The following SPDYE3 variants were observed in gnomAD, a reference collection of about 807,000 sequenced individuals.
SPDYE3 encodes speedy/RINGO cell cycle regulator family member E3, also known as speedy protein E3.
In SPDYE3, 15 loss-of-function variants were observed where a neutral mutation model predicts 55.0. That is an observed-to-expected ratio of 0.27 (90% CI 0.18 to 0.42). SPDYE3 has a LOEUF of 0.42. Ranked by LOEUF, SPDYE3 falls within the 10% of genes least tolerant of loss-of-function variation. SPDYE3 has a pLI of 1.00. For synonymous variants in SPDYE3, 89 were observed against 229.9 expected, an observed-to-expected ratio of 0.39 and a Z score of 5.55; for missense variants, 236 against 576.7, an observed-to-expected ratio of 0.41 and a Z score of 6.05.
chr7:100,316,887 G>A (rs1251666121), intron 7 of SPDYE3, among the ~76,000 whole-genome samples, 183 bp from the exon 8 acceptor site: 1 of 152,046 alleles, frequency 6.6e-6, no homozygotes, highest in Non-Finnish European at 1.5e-5. Context: ...CCGGCTTCTC[G>A]GATTTGCATC....
chr7:100,319,222 T>C (rs1328919548), intron 8 of SPDYE3, among the ~76,000 whole-genome samples: 1 of 152,164 alleles, frequency 6.6e-6, no homozygotes, highest in Non-Finnish European at 1.5e-5. Context: ...ATTTTTTATA[T>C]TTTTAATAGA....
intron 8 of SPDYE3, among the ~76,000 whole-genome samples, chr7:100,319,235 C>T (rs1410263381): frequency 6.6e-6 from 1 of 152,108 alleles, no homozygotes; most frequent in African/African-American, 2.4e-5. Context: ...TTAATAGAGA[C>T]AAGGGTCTTG....
intron 1 of SPDYE3, among the ~76,000 whole-genome samples, chr7:100,308,747 G>A (rs1037320694): frequency 1.3e-4 from 19 of 151,220 alleles, no homozygotes; most frequent in Admixed American, 2.6e-4. Flanking sequence ...GAGAGCCAGG[G>A]ACCAGGGAAC....
chr7:100,319,341 C>T (rs1281700818), intron 8 of SPDYE3, among the ~76,000 whole-genome samples: 2 of 152,214 alleles, frequency 1.3e-5, no homozygotes, highest in African/African-American at 2.4e-5. Context: ...AGCCACCACT[C>T]TTGGTCACCA....
chr7:100,307,847 A>C lies in SPDYE3; in HGVS notation c.-39A>C, dbSNP rs1417288596. 13 of 1,544,092 alleles carry C rather than the reference A, an allele frequency of 8.4e-6. No individual in the cohort carries two copies. In the Admixed American group the frequency reaches 1.9e-4, roughly 23 times the overall value. ...GAAGAAGACCAAGGACAGAACAGAGACTAGCTTCGGTGAGATTGGACAGAT... is the reference window on the plus strand; with the variant it reads ...GAAGAAGACCAAGGACAGAACAGAGCCTAGCTTCGGTGAGATTGGACAGAT... On this transcript the variant is annotated 5_prime_UTR_variant, in exon 1 of 11. Transcript: ENST00000332397.
At chr7:100,319,209 C>T (rs1275015150) in intron 8 of SPDYE3, among the ~76,000 whole-genome samples, 2 of 152,046 alleles carry the variant, frequency 1.3e-5, no homozygotes, top group Non-Finnish European at 2.9e-5. Context: ...CCACGTCTGG[C>T]GTATTTTTTA....
At chr7:100,318,874 C>T (rs564821928) in intron 8 of SPDYE3, among the ~76,000 whole-genome samples, 16 of 148,888 alleles carry the variant, frequency 1.1e-4, no homozygotes, top group African/African-American at 3.7e-4. Flanking sequence ...GGCTGTGCCA[C>T]CACACCTGGA....
intron 1 of SPDYE3, among the ~76,000 whole-genome samples, chr7:100,308,260 G>C (rs1805874370): frequency 6.6e-6 from 1 of 151,162 alleles, no homozygotes; most frequent in Non-Finnish European, 1.5e-5. Context: ...GAGCCTGGGA[G>C]GAAGAGGGTG....
In SPDYE3 at chr7:100,320,039, C is replaced by T. The variant is rs1280872753; in HGVS notation, c.*45+4C>T. ...GAGGTCATCGGCCTGAGAGAAGGTA[C>T]ATCTGCATCCTCCGGGGTAAAGGCA... On this transcript the variant is annotated splice_donor_region_variant and intron_variant, in intron 10 of 10. Transcript: ENST00000332397. The T allele has an allele frequency of 6.2e-7, 1 of 1,603,318 alleles. No individual in the cohort carries two copies. Among genetic ancestry groups the T allele is most frequent in the Non-Finnish European group, 8.5e-7 (1 of 1,179,274 alleles).
Position 100,307,786 on chromosome 7 carries a change from T to C in SPDYE3, c.-100T>C, listed in dbSNP as rs1390971226. On this transcript the variant is annotated 5_prime_UTR_variant, in exon 1 of 11. Transcript: ENST00000332397. The stretch of plus-strand genomic sequence containing the variant: ...TCCTGACTTCTCCCAGCCTCGAGAA[T>C]TGATAACACACTCTTCTGGATCCCA... 5 of 1,444,226 alleles carry C rather than the reference T, an allele frequency of 3.5e-6. No homozygotes were observed. Among genetic ancestry groups the C allele is most frequent in the African/African-American group, 1.4e-5 (1 of 70,240 alleles). 89.5% of individuals were successfully genotyped at this position (1,444,226 alleles called of 1,614,324 possible).
Position 100,321,847 on chromosome 7 carries a change from T to C in SPDYE3, c.*1002T>C, listed in dbSNP as rs1263201820. ...TAAATATTTATTAAATATATTTATT[T>C]ATTTAAATATTTATTAAATATATTT... On this transcript the variant is annotated 3_prime_UTR_variant, in exon 11 of 11. Transcript: ENST00000332397. 6.8e-6 allele frequency: 1 copy of C among 148,124 alleles called. No homozygotes were observed. The highest frequency in any genetic ancestry group is 1.5e-5 in the Non-Finnish European group (1 of 67,168). The allele number at this position is 148,124 out of a possible 1,614,324, so 9.2% of individuals were successfully genotyped here.
At chr7:100,315,127 A>G (rs901353160) in intron 6 of SPDYE3, among the ~76,000 whole-genome samples, 45 of 151,416 alleles carry the variant, frequency 3.0e-4, no homozygotes, top group South Asian at 2.9e-3. Flanking sequence ...CAAAAGAAAA[A>G]CCAAGGCTGG....
At position 100,315,805 on chromosome 7, in the gene SPDYE3, T is replaced by C. The variant is rs764950944; in HGVS notation, c.1222T>C (p.Phe408Leu). 3.8e-6 allele frequency: 6 copies of C among 1,599,826 alleles called. No homozygotes were observed. The highest frequency in any genetic ancestry group is 1.7e-5 in the Admixed American group (1 of 59,984). ...RLLEDPVIKR[F>L]LAWDKDLRVS... Reference sequence around the variant, plus strand: ...CACAGAGGATCCTGTCATTAAAAGATTCCTGGCCTGGGACAAAGATCTGAG... The same window carrying C: ...CACAGAGGATCCTGTCATTAAAAGACTCCTGGCCTGGGACAAAGATCTGAG... Residue 408 changes from phenylalanine to leucine, a missense_variant, in exon 7 of 11, where the codon TTC becomes CTC. Phe to Leu is a conservative substitution (Grantham distance 22, BLOSUM62 0). Transcript: ENST00000332397.
chr7:100,317,466 A>T (rs1478219693), intron 8 of SPDYE3, among the ~76,000 whole-genome samples: 2 of 152,070 alleles, frequency 1.3e-5, no homozygotes, highest in Non-Finnish European at 2.9e-5. Flanking sequence ...TCAGTCGGGC[A>T]TGTTGGTGTG....
At chr7:100,319,048 A>G (rs919115355) in intron 8 of SPDYE3, among the ~76,000 whole-genome samples, 17 of 151,616 alleles carry the variant, frequency 1.1e-4, no homozygotes, top group African/African-American at 4.1e-4. Context: ...AGTAGCTAGG[A>G]CTAATGGGTG....
intron 6 of SPDYE3, 149 bp from the exon 7 acceptor site, chr7:100,315,636 T>C: frequency 1.1e-5 from 14 of 1,234,490 alleles, no homozygotes; most frequent in Non-Finnish European, 1.6e-5. Context: ...CCTTGCCCAG[T>C]GAAAGTCATT....
At chr7:100,319,859 G>A (rs1789534057) in intron 9 of SPDYE3, 51 bp downstream of exon 9, 2 of 1,613,740 alleles carry the variant, frequency 1.2e-6, no homozygotes, top group South Asian at 1.1e-5. Flanking sequence ...CGGGTGGGCT[G>A]GAGGCTGGAC....
chr7:100,317,596 C>T (rs1806134476), intron 8 of SPDYE3, among the ~76,000 whole-genome samples: 1 of 148,732 alleles, frequency 6.7e-6, no homozygotes, highest in Non-Finnish European at 1.5e-5. Flanking sequence ...CAGAGTGAGA[C>T]TTTTTCTAAA....
chr7:100,308,766 G>A (rs1230563216), intron 1 of SPDYE3, among the ~76,000 whole-genome samples: 13 of 150,704 alleles, frequency 8.6e-5, no homozygotes, highest in East Asian at 2.0e-4. Context: ...ACGATATGAC[G>A]CAGTGTTCTG....
Sources: allele counts gnomAD v4.1 joint callset (sites outside exome capture counted in the v4.1 genomes callset), GRCh38; gene constraint gnomAD v4.1.1; transcripts MANE v1.5; gene names NCBI Gene and HGNC (gene_info 2026-07-23, HGNC 2026-07-21).